The following SDR42E2 variants were observed in gnomAD, a reference collection of about 807,000 sequenced individuals.
The protein encoded by SDR42E2 is putative short-chain dehydrogenase/reductase family 42E member 2.
A neutral mutation model predicts 10.5 loss-of-function variants in SDR42E2; 20 were observed. That is an observed-to-expected ratio of 1.90 (90% confidence interval 1.34 to 2.77). SDR42E2 has a LOEUF of 2.77. Ranked by LOEUF, SDR42E2 falls within the 30% of genes most tolerant of loss-of-function variation. The pLI is 0.00. For synonymous variants in SDR42E2, 72 were observed against 39.2 expected (o/e 1.84, Z -3.12); for missense variants, 162 against 104.2 (o/e 1.55, Z -2.42).
At position 22,173,903 on chromosome 16, in the gene SDR42E2, G is replaced by GTATATATATATATATATATATATA. The variant is rs146432754; in HGVS notation, c.589+1573_589+1574insATATATATATATATATATATATAT. 2.4e-3 allele frequency among the ~76,000 whole-genome samples: 271 copies of GTATATATATATATATATATATATA among 112,494 alleles called. 4 individuals are homozygous for GTATATATATATATATATATATATA. The highest frequency in any genetic ancestry group is 7.3e-3 in the East Asian group (14 of 1,910). The allele number at this position is 112,494 out of a possible 152,430, so 73.8% of individuals were successfully genotyped here. Reference sequence around the variant, plus strand: ...ATGGGCTACGTATATATATGTGTGTGTGTATATATATATATATATATATAT... The same window carrying GTATATATATATATATATATATATA: ...ATGGGCTACGTATATATATGTGTGTGTATATATATATATATATATATATATGTATATATATATATATATATATAT... On this transcript the variant is annotated intron_variant, in intron 7 of 12. Coordinates refer to ENST00000602312, the MANE Select transcript of SDR42E2 (RefSeq NM_001394319.2).
chr16:22,175,903 G>A (rs957383787), intron 7 of SDR42E2, among the ~76,000 whole-genome samples: 3 of 151,368 alleles, frequency 2.0e-5, no homozygotes, highest in African/African-American at 4.9e-5. Context: ...TGAGGCAGGC[G>A]AATCACTTGA....
At chr16:22,175,636 G>A (rs992428632) in intron 7 of SDR42E2, among the ~76,000 whole-genome samples, 4 of 150,758 alleles carry the variant, frequency 2.7e-5, no homozygotes, top group African/African-American at 4.9e-5. Flanking sequence ...GAGCCATGAC[G>A]CACCACTGCA....
chr16:22,163,170 G>A (rs2046510210), intron 1 of SDR42E2, among the ~76,000 whole-genome samples: 1 of 152,180 alleles, frequency 6.6e-6, no homozygotes, highest in South Asian at 2.1e-4. Context: ...GTACAGTGAG[G>A]TTTTAAGGCC....
intron 7 of SDR42E2, 57 bp downstream of exon 7, chr16:22,172,388 C>G (rs1026279810): frequency 9.2e-5 from 65 of 703,128 alleles, no homozygotes; most frequent in Non-Finnish European, 1.4e-4. Context: ...CTGCCTCCTC[C>G]AAAATACATG....
Position 22,181,707 on chromosome 16 carries a change from G to A in SDR42E2, c.810+51G>A, listed in dbSNP as rs186890382. 61 of 689,846 alleles carry A rather than the reference G, an allele frequency of 8.8e-5. No individual in the cohort carries two copies. The East Asian group carries it at 1.4e-3, about 16-fold the overall frequency. 42.7% of individuals were successfully genotyped at this position (689,846 alleles called of 1,614,324 possible). A position where few individuals can be genotyped will look rare whatever the true frequency, so the allele number is the denominator to read the frequency against. ...CACCTTCCCCACAGGGCTGCAGGCA[G>A]AGCGTCCCATCCCTAGGGGATTTCT... is the stretch of plus-strand genomic sequence containing the variant. On this transcript the variant is annotated intron_variant, in intron 9 of 12. Coordinates refer to ENST00000602312, the MANE Select transcript of SDR42E2 (RefSeq NM_001394319.2).
At chr16:22,165,915 T>TG (rs2046532470) in intron 2 of SDR42E2, among the ~76,000 whole-genome samples, 1 of 145,366 alleles carries the variant, frequency 6.9e-6, no homozygotes, top group Non-Finnish European at 1.5e-5. Flanking sequence ...GGTCCGTACC[T>TG]GGGCCAGGAG....
In SDR42E2 at chr16:22,179,251, G is replaced by A. The variant is rs530268110; in HGVS notation, c.672+1039G>A. ...CAATCCTCCTGCCTCAACCTCCCAAGTTGCTGGGATGACAGGCGTGAACTA... is the reference window on the plus strand; with the variant it reads ...CAATCCTCCTGCCTCAACCTCCCAAATTGCTGGGATGACAGGCGTGAACTA... On this transcript the variant is annotated intron_variant, in intron 8 of 12. Coordinates refer to ENST00000602312, the MANE Select transcript of SDR42E2 (RefSeq NM_001394319.2). Among the ~76,000 whole-genome samples the A allele has an allele frequency of 9.2e-5, 14 of 152,228 alleles. No homozygotes were observed. In the East Asian group the frequency reaches 1.5e-3, roughly 17 times the overall value.
At chr16:22,186,159 T>C (rs1259210830) in intron 11 of SDR42E2, among the ~76,000 whole-genome samples, 1 of 152,134 alleles carries the variant, frequency 6.6e-6, no homozygotes, top group Non-Finnish European at 1.5e-5. Flanking sequence ...GAGATTATTA[T>C]ATGGATAACT....
intron 7 of SDR42E2, among the ~76,000 whole-genome samples, chr16:22,175,626 G>A (rs2046638860): frequency 6.6e-6 from 1 of 150,950 alleles, no homozygotes; most frequent in African/African-American, 2.4e-5. Context: ...AGGATGCAGT[G>A]AGCCATGACG....
At chr16:22,182,674 G>A (rs541974782) in intron 10 of SDR42E2, among the ~76,000 whole-genome samples, 2 of 152,150 alleles carry the variant, frequency 1.3e-5, no homozygotes, top group Middle Eastern at 3.4e-3. Flanking sequence ...TGTCCTTTTC[G>A]ATTTCCAAAA....
chr16:22,167,094 C>A, intron 4 of SDR42E2, 95 bp downstream of exon 4: 1 of 558,686 alleles, frequency 1.8e-6, no homozygotes, highest in Non-Finnish European at 3.4e-6. Context: ...CATGCTTCAC[C>A]TATTATAGGA....
chr16:22,169,828 C>T (rs1202630836), intron 5 of SDR42E2, among the ~76,000 whole-genome samples: 1 of 151,476 alleles, frequency 6.6e-6, no homozygotes, highest in Admixed American at 6.6e-5. Context: ...GTCAAGAGTT[C>T]GAGACCAGCC....
chr16:22,186,803 G>A lies in SDR42E2; in HGVS notation c.1014+9G>A. On this transcript the variant is annotated intron_variant, in intron 12 of 12. Coordinates refer to ENST00000602312, the MANE Select transcript of SDR42E2 (RefSeq NM_001394319.2). ...TGCTCACTCGTAGTGAGGTAAGTGG[G>A]CTGCTGTTATGGGACCTAGGCCCTG... The A allele has an allele frequency of 2.7e-6, 1 of 375,604 alleles. No individual in the cohort carries two copies. The highest frequency in any genetic ancestry group is 4.6e-6 in the Non-Finnish European group (1 of 216,370). 23.3% of individuals were successfully genotyped at this position (375,604 alleles called of 1,614,324 possible).
Position 22,187,319 on chromosome 16 carries a change from C to T in SDR42E2, c.1014+525C>T, listed in dbSNP as rs184570959. Among the ~76,000 whole-genome samples the T allele has an allele frequency of 7.3e-4, 111 of 152,260 alleles. No homozygotes were observed. In the Middle Eastern group the frequency reaches 0.014, roughly 19 times the overall value. ...TCCAGGCTGGTTTCAAACTCCTGAG[C>T]TCAAGAGATCCTCTTGGCCAGGTGT... is the stretch of plus-strand genomic sequence containing the variant. On this transcript the variant is annotated intron_variant, in intron 12 of 12. Transcript: ENST00000602312.
At chr16:22,183,401 T>C (rs529261399) in intron 10 of SDR42E2, among the ~76,000 whole-genome samples, 1 of 152,310 alleles carries the variant, frequency 6.6e-6, no homozygotes, top group East Asian at 1.9e-4. Flanking sequence ...CTGTGGAGTT[T>C]TGCTTGTGAG....
At chr16:22,171,232 T>TTTTTC (rs769533201) in intron 6 of SDR42E2, among the ~76,000 whole-genome samples, 3 of 152,112 alleles carry the variant, frequency 2.0e-5, no homozygotes, top group Admixed American at 6.5e-5. Context: ...AGCCTGTTTT[T>TTTTTC]TTTTCTTTTC....
At chr16:22,174,608 T>C (rs2046629203) in intron 7 of SDR42E2, among the ~76,000 whole-genome samples, 1 of 148,868 alleles carries the variant, frequency 6.7e-6, no homozygotes, top group Non-Finnish European at 1.5e-5. Context: ...CTGATTCCAG[T>C]AGAAATATCC....
intron 1 of SDR42E2, among the ~76,000 whole-genome samples, chr16:22,163,064 C>G (rs529041999): frequency 6.6e-6 from 1 of 152,156 alleles, no homozygotes; most frequent in Non-Finnish European, 1.5e-5. Flanking sequence ...AATCTAGCCT[C>G]GCAAGGCATT....
At chr16:22,181,158 G>A (rs577283006) in intron 8 of SDR42E2, among the ~76,000 whole-genome samples, 1 of 152,292 alleles carries the variant, frequency 6.6e-6, no homozygotes, top group Admixed American at 6.5e-5. Context: ...ATCAGATTCT[G>A]GACAGATTTT....
Sources: gnomAD v4.1 joint callset for allele counts (sites outside exome capture counted in the v4.1 genomes callset) on GRCh38, gnomAD v4.1.1 for gene constraint, MANE v1.5 for transcripts, NCBI Gene and HGNC (gene_info 2026-07-23, HGNC 2026-07-21) for gene names.